ELK3: variants seen among roughly 807,000 people sequenced by gnomAD.
The protein encoded by ELK3 is ETS transcription factor ELK3.
In ELK3, 10 loss-of-function variants were observed where a neutral mutation model predicts 28.9. The ratio of observed to expected loss-of-function variants is 0.35; its 90% CI spans 0.21 to 0.59. The LOEUF (loss-of-function observed/expected upper bound fraction) is 0.59. Ranked by LOEUF, ELK3 falls within the 20% of genes least tolerant of loss-of-function variation. The pLI is 0.82. For synonymous variants in ELK3, 272 were observed against 243.5 expected (o/e 1.12, Z -1.09); for missense variants, 463 against 517.3 (o/e 0.90, Z 1.02).
Position 96,223,641 on chromosome 12 carries a change from C to T in ELK3, c.75C>T (p.Cys25=), listed in dbSNP as rs781708033. 2 of 1,614,042 alleles carry T rather than the reference C, an allele frequency of 1.2e-6. No individual in the cohort carries two copies. The highest frequency in any genetic ancestry group is 1.3e-5 in the African/African-American group (1 of 74,906). The change falls in exon 2 of 5, where the codon TGC becomes TGT. Residue 25 remains cysteine (C), a synonymous_variant. Coordinates refer to ENST00000228741, the MANE Select transcript of ELK3 (RefSeq NM_005230.4). ...ATCAGAAACATGAGCATTTGATCTG[C>T]TGGACCTCGAACGATGGTGAATTCA... is the stretch of plus-strand genomic sequence containing the variant. ...LLDQKHEHLI[C]WTSNDGEFKL... is the part of the protein sequence containing the mutation.
chr12:96,196,798 G>C (rs1037785668), intron 1 of ELK3, among the ~76,000 whole-genome samples: 3 of 144,076 alleles, frequency 2.1e-5, no homozygotes, highest in Non-Finnish European at 4.5e-5. Flanking sequence ...AATGTGTGGC[G>C]TTACTAAAAA....
chr12:96,205,766 A>C (rs1484066091), intron 1 of ELK3, among the ~76,000 whole-genome samples: 1 of 152,242 alleles, frequency 6.6e-6, no homozygotes, highest in Admixed American at 6.5e-5. Context: ...TCTTTGCTGC[A>C]TGCATAGCCC....
chr12:96,261,389 A>G (rs1439555621), intron 4 of ELK3, among the ~76,000 whole-genome samples: 1 of 152,238 alleles, frequency 6.6e-6, no homozygotes, highest in Non-Finnish European at 1.5e-5. Context: ...TAGAAATAGC[A>G]AAAAGCAATG....
chr12:96,223,246 A>G (rs2300554), intron 1 of ELK3, among the ~76,000 whole-genome samples: 86,882 of 151,940 alleles, frequency 0.57, 25,366 homozygotes, highest in Middle Eastern at 0.69. Context: ...ATGGGGACTC[A>G]TTCTGCAAGT....
intron 2 of ELK3, among the ~76,000 whole-genome samples, chr12:96,242,897 G>A (rs572126833): frequency 6.6e-6 from 1 of 152,246 alleles, no homozygotes; most frequent in East Asian, 1.9e-4. Flanking sequence ...TCTTTCCAAT[G>A]GCTGTCACTT....
At chr12:96,245,100 G>A (rs1248625048) in intron 2 of ELK3, among the ~76,000 whole-genome samples, 2 of 152,124 alleles carry the variant, frequency 1.3e-5, no homozygotes, top group Non-Finnish European at 2.9e-5. Flanking sequence ...CTGTATGCTG[G>A]TGCTCAGTGA....
intron 1 of ELK3, among the ~76,000 whole-genome samples, chr12:96,207,723 C>T (rs994987787): frequency 8.5e-5 from 13 of 152,178 alleles, no homozygotes; most frequent in Non-Finnish European, 1.5e-4. Flanking sequence ...TGCAAGAATA[C>T]TGTATAGAGT....
At chr12:96,214,849 A>G (rs1405675387) in intron 1 of ELK3, among the ~76,000 whole-genome samples, 1 of 152,220 alleles carries the variant, frequency 6.6e-6, no homozygotes, top group African/African-American at 2.4e-5. Flanking sequence ...ACTGAGGTAC[A>G]GGGTTCATTT....
chr12:96,265,585 C>A (rs1196577002), intron 4 of ELK3, among the ~76,000 whole-genome samples: 2 of 152,064 alleles, frequency 1.3e-5, no homozygotes, highest in South Asian at 4.1e-4. Flanking sequence ...ACTTAGGAGG[C>A]TGAAGTGGGA....
At chr12:96,218,806 G>T (rs969999511) in intron 1 of ELK3, among the ~76,000 whole-genome samples, 7 of 151,806 alleles carry the variant, frequency 4.6e-5, no homozygotes, top group African/African-American at 1.7e-4. Context: ...CCGCCACCAC[G>T]CCTGGCTAAT....
intron 1 of ELK3, among the ~76,000 whole-genome samples, chr12:96,198,485 G>A (rs1157753993): frequency 1.3e-5 from 2 of 152,182 alleles, no homozygotes; most frequent in African/African-American, 4.8e-5. Context: ...AGATGAGAGG[G>A]GAAGGGGACT....
At position 96,268,489 on chromosome 12, in the gene ELK3, C is replaced by G. The variant is rs1193515340; in HGVS notation, c.*1309C>G. The G allele has an allele frequency of 6.6e-6, 1 of 152,166 alleles. No homozygotes were observed. Among genetic ancestry groups the G allele is most frequent in the Non-Finnish European group, 1.5e-5 (1 of 68,012 alleles). The allele number at this position is 152,166 out of a possible 1,614,324, so 9.4% of individuals were successfully genotyped here. A position where few individuals can be genotyped will look rare whatever the true frequency, so the allele number is the denominator to read the frequency against. ...AGCAGTGATAATACAGACATATTTT[C>G]TGTTCCATCAGAAAATCAGCAGGCA... On this transcript the variant is annotated 3_prime_UTR_variant, in exon 5 of 5. Coordinates refer to ENST00000228741, the MANE Select transcript of ELK3 (RefSeq NM_005230.4).
rs184551899 is a variant in ELK3 at position 96,234,792 on chromosome 12, C to T, written c.207+11019C>T. The stretch of plus-strand genomic sequence containing the variant: ...ACGGACTCAAGATGCAGCAGCAGGG[C>T]GGTGGCAGAGCTTTCAGACTAAGAG... On this transcript the variant is annotated intron_variant, in intron 2 of 4. Coordinates refer to ENST00000228741, the MANE Select transcript of ELK3 (RefSeq NM_005230.4). Among the ~76,000 whole-genome samples the T allele has an allele frequency of 6.3e-4, 96 of 152,238 alleles. No individual in the cohort carries two copies. The East Asian group carries it at 0.017, about 28-fold the overall frequency.
Position 96,223,609 on chromosome 12 carries a change from C to T in ELK3, c.43C>T (p.Leu15=), listed in dbSNP as rs750138494. The part of the protein sequence containing the change: ...ITLWQFLLQL[L]LDQKHEHLIC... ...GCTGTGGCAGTTCCTGTTGCAGTTGCTGCTGGATCAGAAACATGAGCATTT... is the reference window on the plus strand; with the variant it reads ...GCTGTGGCAGTTCCTGTTGCAGTTGTTGCTGGATCAGAAACATGAGCATTT... The change falls in exon 2 of 5, where the codon CTG becomes TTG. Residue 15 remains leucine (L), a synonymous_variant. Coordinates refer to ENST00000228741, the MANE Select transcript of ELK3 (RefSeq NM_005230.4). 24 of 1,614,050 alleles carry T rather than the reference C, an allele frequency of 1.5e-5. No homozygotes were observed. In the African/African-American group the frequency reaches 2.5e-4, roughly 17 times the overall value.
intron 4 of ELK3, among the ~76,000 whole-genome samples, chr12:96,266,623 T>A (rs147922214): frequency 1.4e-3 from 218 of 152,338 alleles, no homozygotes; most frequent in African/African-American, 5.1e-3. Context: ...ATCATCTTTG[T>A]AGTACCCTGA....
intron 1 of ELK3, among the ~76,000 whole-genome samples, chr12:96,196,098 T>C (rs530720684): frequency 6.6e-6 from 1 of 152,286 alleles, no homozygotes; most frequent in South Asian, 2.1e-4. Context: ...CCCTTAGTCA[T>C]TGCTAAGTAA....
intron 1 of ELK3, among the ~76,000 whole-genome samples, chr12:96,215,234 G>A (rs1323437262): frequency 1.3e-5 from 2 of 152,062 alleles, no homozygotes; most frequent in African/African-American, 4.8e-5. Flanking sequence ...GCAAAGGGAA[G>A]TGCTAGGTTG....
In ELK3 at chr12:96,194,544, GAA is replaced by G. The variant is rs1013793786; in HGVS notation, c.-156_-155del. On this transcript the variant is annotated 5_prime_UTR_variant, in exon 1 of 5. Transcript: ENST00000228741. ...TCCTGCTCTCACACACACCAGAGGG[GAA>G]AAAAAAAGAGGAGCGAGAGAAAGAA... 3 of 147,996 alleles carry G rather than the reference GAA, an allele frequency of 2.0e-5. No homozygotes were observed. The highest frequency in any genetic ancestry group is 6.7e-5 in the Admixed American group (1 of 14,916). The allele number at this position is 147,996 out of a possible 1,614,324, so 9.2% of individuals were successfully genotyped here.
chr12:96,214,480 T>C (rs1951596974), intron 1 of ELK3, among the ~76,000 whole-genome samples: 1 of 151,872 alleles, frequency 6.6e-6, no homozygotes, highest in South Asian at 2.1e-4. Context: ...CAAAAACCAT[T>C]GCAGACTGTA....
Sources: allele counts gnomAD v4.1 joint callset (sites outside exome capture counted in the v4.1 genomes callset), GRCh38; gene constraint gnomAD v4.1.1; transcripts MANE v1.5; gene names NCBI Gene and HGNC (gene_info 2026-07-23, HGNC 2026-07-21).